The following SPNS3 variants were observed in gnomAD, a reference collection of about 807,000 sequenced individuals.
SPNS3 encodes SPNS lysolipid transporter 3, sphingosine-1-phosphate (putative).
In SPNS3, 51 loss-of-function variants were observed where a neutral mutation model predicts 54.4. That is an observed-to-expected ratio of 0.94 (90% CI 0.75 to 1.18). SPNS3 has a LOEUF of 1.18. Among genes scored for constraint, SPNS3 ranks in the 50% most tolerant of loss-of-function variants. The pLI is 0.00. For missense variants in SPNS3, 669 were observed against 677.4 expected (o/e 0.99, Z 0.14); for synonymous variants, 309 against 294.7 (o/e 1.05, Z -0.50).
intron 8 of SPNS3, among the ~76,000 whole-genome samples, chr17:4,457,924 G>A (rs929121902): frequency 1.3e-5 from 2 of 152,248 alleles, no homozygotes; most frequent in African/African-American, 2.4e-5. Context: ...CTCCTCTGGC[G>A]CTGGGAAGCT....
chr17:4,462,728 C>G (rs1246407475), intron 8 of SPNS3, among the ~76,000 whole-genome samples: 1 of 47,418 alleles, frequency 2.1e-5, no homozygotes. Context: ...CACCCACCCA[C>G]CCATCCACCA....
chr17:4,462,684 C>A (rs1160627004), intron 8 of SPNS3, among the ~76,000 whole-genome samples: 1 of 20,578 alleles, frequency 4.9e-5, no homozygotes, highest in African/African-American at 2.3e-4. Flanking sequence ...CACCCTCCCA[C>A]CCACCCACCA....
At chr17:4,449,887 C>T (rs928521939) in intron 7 of SPNS3, among the ~76,000 whole-genome samples, 5 of 152,146 alleles carry the variant, frequency 3.3e-5, no homozygotes, top group Non-Finnish European at 7.4e-5. Flanking sequence ...TCAGGGCACG[C>T]CCTCTCCCGC....
At chr17:4,450,085 C>T (rs1971116982) in intron 7 of SPNS3, among the ~76,000 whole-genome samples, 1 of 151,858 alleles carries the variant, frequency 6.6e-6, no homozygotes. Flanking sequence ...AGGGGCTGCT[C>T]TCCAGCCTCC....
chr17:4,452,917 A>G, intron 7 of SPNS3, 99 bp from the exon 8 acceptor site: 2 of 1,184,292 alleles, frequency 1.7e-6, no homozygotes, highest in Non-Finnish European at 2.4e-6. Flanking sequence ...CAGATCATGC[A>G]CTTGAGCCGA....
At chr17:4,485,623 T>C (rs1287346328) in intron 9 of SPNS3, among the ~76,000 whole-genome samples, 1 of 152,210 alleles carries the variant, frequency 6.6e-6, no homozygotes, top group Non-Finnish European at 1.5e-5. Flanking sequence ...CTTGACCTCC[T>C]GACCTCGGGT....
intron 6 of SPNS3, 78 bp downstream of exon 6, chr17:4,448,381 A>G (rs1343498423): frequency 7.5e-7 from 1 of 1,339,852 alleles, no homozygotes; most frequent in East Asian, 2.9e-5. Flanking sequence ...CCCTCTCTCC[A>G]CCTCCAGGGA....
At chr17:4,471,458 T>C (rs927184092) in intron 8 of SPNS3, among the ~76,000 whole-genome samples, 2 of 152,144 alleles carry the variant, frequency 1.3e-5, no homozygotes, top group African/African-American at 4.8e-5. Context: ...AGATTGTCTT[T>C]TCTTTGATAT....
Position 4,448,188 on chromosome 17 carries a change from C to T in SPNS3, c.655C>T (p.Leu219=), listed in dbSNP as rs7218807. 1.2e-6 allele frequency: 2 copies of T among 1,602,150 alleles called. No homozygotes were observed. The highest frequency in any genetic ancestry group is 2.3e-5 in the South Asian group (2 of 88,774). ...CTGCCTGGAGGCCGTGGCCTTGATCCTGCTTATCCTGCTGGTTCCAGACCC... is the reference window on the plus strand; with the variant it reads ...CTGCCTGGAGGCCGTGGCCTTGATCTTGCTTATCCTGCTGGTTCCAGACCC... The part of the protein sequence containing the change: ...MPCLEAVALI[L]LILLVPDPPR... Residue 219 remains leucine (L), a synonymous_variant, in exon 6 of 12, where the codon CTG becomes TTG. Coordinates refer to ENST00000355530, the MANE Select transcript of SPNS3 (RefSeq NM_182538.5).
intron 4 of SPNS3, 118 bp from the exon 5 acceptor site, chr17:4,446,778 G>A: frequency 1.1e-6 from 1 of 900,420 alleles, no homozygotes; most frequent in Non-Finnish European, 1.8e-6. Context: ...ACAGGTCTGA[G>A]CCTGCAGAGA....
chr17:4,479,407 C>T (rs182399147), intron 9 of SPNS3, among the ~76,000 whole-genome samples: 59 of 152,386 alleles, frequency 3.9e-4, no homozygotes, highest in Admixed American at 9.1e-4. Context: ...AAGGATCAGC[C>T]CTGCCTGTAA....
chr17:4,467,308 C>CA (rs201101660), intron 8 of SPNS3, among the ~76,000 whole-genome samples: 32 of 148,670 alleles, frequency 2.2e-4, no homozygotes, highest in East Asian at 1.8e-3. Context: ...TCTACTGCTG[C>CA]AAAAAAAAAA....
intron 8 of SPNS3, among the ~76,000 whole-genome samples, chr17:4,470,035 C>G (rs189759047): frequency 6.6e-6 from 1 of 152,264 alleles, no homozygotes; most frequent in Admixed American, 6.5e-5. Context: ...GTACACGTGT[C>G]TCTCTATACA....
Position 4,447,074 on chromosome 17 carries a change from G to A in SPNS3, c.621+112G>A, listed in dbSNP as rs900631371. 2.8e-5 allele frequency: 27 copies of A among 948,252 alleles called. 1 individual carries two copies. The highest frequency in any genetic ancestry group is 4.2e-4 in the Middle Eastern group (2 of 4,720). 58.7% of individuals were successfully genotyped at this position (948,252 alleles called of 1,614,324 possible). A position where few individuals can be genotyped will look rare whatever the true frequency, so the allele number is the denominator to read the frequency against. ...TAGCACCCGGCGCCATTAGGGGGAC[G>A]GGGGGTGGTGGTCAGGCATCGGCAG... On this transcript the variant is annotated intron_variant, in intron 5 of 11. Coordinates refer to ENST00000355530, the MANE Select transcript of SPNS3 (RefSeq NM_182538.5).
intron 8 of SPNS3, among the ~76,000 whole-genome samples, chr17:4,472,587 G>A (rs1343433455): frequency 6.6e-6 from 1 of 152,068 alleles, no homozygotes. Context: ...GTCCGTGATT[G>A]GAGCCATTGT....
chr17:4,464,223 T>C (rs1398377463), intron 8 of SPNS3, among the ~76,000 whole-genome samples: 3 of 152,230 alleles, frequency 2.0e-5, no homozygotes, highest in Admixed American at 2.0e-4. Flanking sequence ...CCAGTCCTCT[T>C]GGCAAGGGAA....
At chr17:4,437,743 T>C (rs1970749147) in intron 1 of SPNS3, among the ~76,000 whole-genome samples, 1 of 151,688 alleles carries the variant, frequency 6.6e-6, no homozygotes, top group African/African-American at 2.4e-5. Flanking sequence ...GTATGCCAGG[T>C]TGCAGTGGCA....
intron 11 of SPNS3, 27 bp from the exon 12 acceptor site, chr17:4,487,779 G>A (rs990470064): frequency 2.5e-6 from 4 of 1,609,708 alleles, no homozygotes; most frequent in African/African-American, 2.7e-5. Flanking sequence ...CAACCTTCGG[G>A]CAGGCTGAGC....
chr17:4,470,780 A>G (rs1352810490), intron 8 of SPNS3, among the ~76,000 whole-genome samples: 2 of 152,212 alleles, frequency 1.3e-5, no homozygotes, highest in African/African-American at 4.8e-5. Flanking sequence ...ATTAGTTGTA[A>G]AACTGTGGAC....
Sources: allele counts gnomAD v4.1 joint callset (sites outside exome capture counted in the v4.1 genomes callset), GRCh38; gene constraint gnomAD v4.1.1; transcripts MANE v1.5; gene names NCBI Gene and HGNC (gene_info 2026-07-23, HGNC 2026-07-21).